THNSL1: variants seen among roughly 807,000 people sequenced by gnomAD.
THNSL1 encodes the protein threonine synthase like 1.
In THNSL1, 48 loss-of-function variants were observed where a neutral mutation model predicts 50.4. That is an observed-to-expected ratio of 0.95 (90% CI 0.76 to 1.21). The LOEUF (loss-of-function observed/expected upper bound fraction) is 1.21. Among genes scored for constraint, THNSL1 ranks in the 50% most tolerant of loss-of-function variants. The probability of loss-of-function intolerance (pLI) is 0.00; values close to 1 mark genes in which losing one functional copy is unlikely to be tolerated. For missense variants in THNSL1, 896 were observed against 871.7 expected (o/e 1.03, Z -0.35); for synonymous variants, 309 against 306.1 (o/e 1.01, Z -0.10).
In THNSL1 at chr10:25,022,537, G is replaced by A. The variant is rs539478220; in HGVS notation, c.-49+629G>A. Among the ~76,000 whole-genome samples the A allele has an allele frequency of 1.2e-4, 18 of 152,218 alleles. No homozygotes were observed. In the South Asian group the frequency reaches 3.3e-3, roughly 28 times the overall value. On this transcript the variant is annotated intron_variant, in intron 2 of 2. Coordinates refer to ENST00000376356, the MANE Select transcript of THNSL1 (RefSeq NM_024838.5). ...TATGTAACAATGATTCTTAATATGC[G>A]TGTAAAAGGCACATAAGAAAGAAAA...
the THNSL1 span, among the ~76,000 whole-genome samples, chr10:24,966,189 C>T: frequency 6.6e-5 from 10 of 152,204 alleles, no homozygotes; most frequent in Non-Finnish European, 5.9e-5. Context: ...TCTGCTGCAT[C>T]CAGAAAACAG....
the THNSL1 span, among the ~76,000 whole-genome samples, chr10:25,004,368 G>A: frequency 6.6e-6 from 1 of 152,106 alleles, no homozygotes; most frequent in Non-Finnish European, 1.5e-5. Context: ...CTTCCACAAT[G>A]GTTGAACTAA....
chr10:25,021,491 G>C lies in THNSL1; in HGVS notation c.-215-251G>C, dbSNP rs184422655. ...AAAAGTTTTATATTTGTTATTATTT[G>C]GTTTTTTATTGCTTGATGGTAGAAA... On this transcript the variant is annotated intron_variant, in intron 1 of 2. Transcript: ENST00000376356. Among the ~76,000 whole-genome samples, 50 of 152,012 alleles carry C rather than the reference G, an allele frequency of 3.3e-4. 1 individual carries two copies. Among genetic ancestry groups the C allele is most frequent in the Non-Finnish European group, 4.6e-4 (31 of 67,962 alleles).
the THNSL1 span, chr10:24,984,828 C>G: frequency 6.2e-7 from 1 of 1,613,722 alleles, no homozygotes; most frequent in African/African-American, 1.3e-5. Context: ...GCTTGCGGAT[C>G]TTCTTTGGTA....
At chr10:24,981,430 A>G in the THNSL1 span, among the ~76,000 whole-genome samples, 1 of 152,204 alleles carries the variant, frequency 6.6e-6, no homozygotes, top group Non-Finnish European at 1.5e-5. Context: ...AAATATAGTT[A>G]TCATTTTTGT....
chr10:25,002,824 A>G, the THNSL1 span, among the ~76,000 whole-genome samples: 17 of 152,184 alleles, frequency 1.1e-4, no homozygotes, highest in Non-Finnish European at 2.9e-5. Flanking sequence ...GATAGTTTCA[A>G]GAAATAATGT....
intron 1 of THNSL1, among the ~76,000 whole-genome samples, chr10:25,020,226 A>G (rs1850689277): frequency 7.2e-6 from 1 of 138,866 alleles, no homozygotes. Context: ...AACTGTCATA[A>G]TTTTCTTTAA....
the THNSL1 span, chr10:24,990,671 G>T: frequency 1.4e-6 from 2 of 1,437,656 alleles, no homozygotes; most frequent in East Asian, 2.3e-5. Flanking sequence ...ATATGGGTAC[G>T]TATCAACTGA....
chr10:24,988,253 T>C, the THNSL1 span, among the ~76,000 whole-genome samples: 1 of 140,668 alleles, frequency 7.1e-6, no homozygotes, highest in Non-Finnish European at 1.5e-5. Flanking sequence ...TATATATATG[T>C]GTATATATAT....
the THNSL1 span, among the ~76,000 whole-genome samples, chr10:25,001,990 C>T: frequency 6.6e-6 from 1 of 151,940 alleles, no homozygotes; most frequent in Non-Finnish European, 1.5e-5. Flanking sequence ...TTCTGGTGTT[C>T]TTTAAATTTC....
chr10:24,979,135 T>G, the THNSL1 span, among the ~76,000 whole-genome samples: 1 of 152,232 alleles, frequency 6.6e-6, no homozygotes, highest in Non-Finnish European at 1.5e-5. Flanking sequence ...GTTGTTCTCT[T>G]GAGAGTTACA....
At chr10:25,019,513 A>G (rs1850676205) in intron 1 of THNSL1, among the ~76,000 whole-genome samples, 1 of 152,208 alleles carries the variant, frequency 6.6e-6, no homozygotes, top group Non-Finnish European at 1.5e-5. Flanking sequence ...AACAGTAAAA[A>G]TACCACAAAC....
the THNSL1 span, among the ~76,000 whole-genome samples, chr10:24,978,692 T>A: frequency 6.6e-6 from 1 of 152,180 alleles, no homozygotes; most frequent in Non-Finnish European, 1.5e-5. Flanking sequence ...TGTCAAATGA[T>A]GTTCTTGGGT....
the THNSL1 span, among the ~76,000 whole-genome samples, chr10:25,002,224 T>C: frequency 1.3e-5 from 2 of 152,222 alleles, no homozygotes; most frequent in Admixed American, 6.5e-5. Flanking sequence ...CTGGCACTAC[T>C]GCTTTCTGTT....
the THNSL1 span, chr10:24,995,660 A>G: frequency 6.2e-7 from 1 of 1,612,192 alleles, no homozygotes; most frequent in Middle Eastern, 1.7e-4. Context: ...TTATTGATGT[A>G]CTTTGGAACT....
At chr10:25,006,270 T>C in the THNSL1 span, among the ~76,000 whole-genome samples, 1 of 152,164 alleles carries the variant, frequency 6.6e-6, no homozygotes, top group Non-Finnish European at 1.5e-5. Context: ...AGTAGACTTA[T>C]GAAACTCAGC....
the THNSL1 span, among the ~76,000 whole-genome samples, chr10:25,000,626 T>G: frequency 5.9e-5 from 9 of 152,266 alleles, no homozygotes; most frequent in South Asian, 8.3e-4. Flanking sequence ...TTATGGTAGC[T>G]AATCAAGCAT....
At chr10:24,979,141 T>G in the THNSL1 span, among the ~76,000 whole-genome samples, 1 of 152,212 alleles carries the variant, frequency 6.6e-6, no homozygotes, top group Non-Finnish European at 1.5e-5. Flanking sequence ...CTCTTGAGAG[T>G]TACATATGAT....
upstream of THNSL1, among the ~76,000 whole-genome samples, chr10:25,014,642 A>G (rs74122927): frequency 0.01 from 1,574 of 152,340 alleles, 21 homozygotes; most frequent in African/African-American, 0.035. Flanking sequence ...AATCTGTTAT[A>G]GAGGAGTTTT....
Sources: allele counts gnomAD v4.1 joint callset (sites outside exome capture counted in the v4.1 genomes callset), GRCh38; gene constraint gnomAD v4.1.1; transcripts MANE v1.5; gene names NCBI Gene and HGNC (gene_info 2026-07-23, HGNC 2026-07-21).